FSHR: variants seen among roughly 807,000 people sequenced by gnomAD.
The protein encoded by FSHR is follicle-stimulating hormone receptor.
A neutral mutation model predicts 52.1 loss-of-function variants in FSHR; 46 were observed. That is an observed-to-expected ratio of 0.88 (90% CI 0.70 to 1.13). The LOEUF (loss-of-function observed/expected upper bound fraction) is 1.13. Among genes scored for constraint, FSHR ranks in the 50% most tolerant of loss-of-function variants. The pLI is 0.00. For synonymous variants in FSHR, 399 were observed against 309.6 expected, an observed-to-expected ratio of 1.29 and a Z score of -3.03; for missense variants, 964 against 834.6, an observed-to-expected ratio of 1.16 and a Z score of -1.91.
intron 6 of FSHR, among the ~76,000 whole-genome samples, chr2:48,988,554 A>G (rs1022297967): frequency 1.3e-5 from 2 of 152,362 alleles, no homozygotes; most frequent in African/African-American, 2.4e-5. Flanking sequence ...AAGTCATCCT[A>G]TGCTCAGCAT....
chr2:49,129,970 CAT>C (rs1255079492), intron 1 of FSHR, among the ~76,000 whole-genome samples: 1 of 152,068 alleles, frequency 6.6e-6, no homozygotes, highest in Non-Finnish European at 1.5e-5. Flanking sequence ...ATTTCCTTAA[CAT>C]GTTTTATTTT....
At chr2:48,988,477 G>C (rs1292474287) in intron 6 of FSHR, among the ~76,000 whole-genome samples, 1 of 152,180 alleles carries the variant, frequency 6.6e-6, no homozygotes, top group Non-Finnish European at 1.5e-5. Flanking sequence ...GCTTTTAAGA[G>C]ATTTCCCAAA....
chr2:48,993,108 T>C (rs940923686), intron 4 of FSHR, among the ~76,000 whole-genome samples: 1 of 152,158 alleles, frequency 6.6e-6, no homozygotes, highest in Non-Finnish European at 1.5e-5. Context: ...CTATTTGTGC[T>C]CTGGGCCTTT....
rs149170424 is a variant in FSHR at position 49,080,332 on chromosome 2, C to G, written c.153-12042G>C. On this transcript the variant is annotated intron_variant, in intron 1 of 9. Coordinates refer to ENST00000406846, the MANE Select transcript of FSHR (RefSeq NM_000145.4). Reference sequence around the variant, plus strand: ...TAGAAGATACAAAATGCCCTTGGACCCAGTTATTCCATGTCCTTCTCTCTG... The same window carrying G: ...TAGAAGATACAAAATGCCCTTGGACGCAGTTATTCCATGTCCTTCTCTCTG... Among the ~76,000 whole-genome samples the G allele has an allele frequency of 3.4e-3, 510 of 152,186 alleles. 3 individuals carry two copies. Among genetic ancestry groups the G allele is most frequent in the Non-Finnish European group, 4.4e-3 (297 of 67,998 alleles).
At chr2:49,119,725 A>C (rs1671740888) in intron 1 of FSHR, among the ~76,000 whole-genome samples, 1 of 152,152 alleles carries the variant, frequency 6.6e-6, no homozygotes, top group Admixed American at 6.5e-5. Flanking sequence ...TGCAATTTTC[A>C]ACATAAAACA....
At chr2:49,124,298 TTTTC>T (rs1671923722) in intron 1 of FSHR, among the ~76,000 whole-genome samples, 1 of 151,572 alleles carries the variant, frequency 6.6e-6, no homozygotes, top group Non-Finnish European at 1.5e-5. Flanking sequence ...CCCGGCCGAG[TTTTC>T]TTTAAGTGTA....
At chr2:49,048,849 A>G (rs1460861843) in intron 2 of FSHR, among the ~76,000 whole-genome samples, 1 of 152,164 alleles carries the variant, frequency 6.6e-6, no homozygotes, top group Non-Finnish European at 1.5e-5. Flanking sequence ...TATGAAGTGT[A>G]AGATTCAGGT....
chr2:49,004,709 T>C (rs1465820248), intron 4 of FSHR, among the ~76,000 whole-genome samples: 2 of 152,122 alleles, frequency 1.3e-5, no homozygotes, highest in South Asian at 2.1e-4. Context: ...ATGAGGATGA[T>C]ATAGCAATAA....
intron 8 of FSHR, among the ~76,000 whole-genome samples, chr2:48,973,495 G>C (rs925519559): frequency 1.3e-5 from 2 of 152,216 alleles, no homozygotes; most frequent in Non-Finnish European, 2.9e-5. Flanking sequence ...AGGCAATAGA[G>C]AACCAAAACA....
At chr2:49,092,696 T>C (rs1338605305) in intron 1 of FSHR, among the ~76,000 whole-genome samples, 1 of 152,238 alleles carries the variant, frequency 6.6e-6, no homozygotes, top group Non-Finnish European at 1.5e-5. Context: ...AGACGGAGTC[T>C]CCCTCTGTCA....
intron 8 of FSHR, among the ~76,000 whole-genome samples, chr2:48,979,442 ACC>A (rs35004985): frequency 6.6e-6 from 1 of 150,680 alleles, no homozygotes; most frequent in Admixed American, 6.6e-5. Context: ...CCACAAAAAC[ACC>A]CCCCCAAAAC....
intron 1 of FSHR, among the ~76,000 whole-genome samples, chr2:49,091,041 T>C (rs1289560645): frequency 1.3e-5 from 2 of 152,054 alleles, no homozygotes; most frequent in Non-Finnish European, 2.9e-5. Flanking sequence ...GGTTTACAAA[T>C]ATTATCTCCC....
At chr2:49,034,515 C>G (rs1668214912) in intron 2 of FSHR, among the ~76,000 whole-genome samples, 1 of 152,130 alleles carries the variant, frequency 6.6e-6, no homozygotes, top group African/African-American at 2.4e-5. Flanking sequence ...GGAAAAGACC[C>G]TTTAGTTCTC....
At chr2:49,051,725 A>C (rs1668864532) in intron 2 of FSHR, among the ~76,000 whole-genome samples, 1 of 152,086 alleles carries the variant, frequency 6.6e-6, no homozygotes, top group Non-Finnish European at 1.5e-5. Flanking sequence ...AGTCCAAAAT[A>C]ACACTTTTAT....
At chr2:49,064,010 AAAAG>A (rs1040271869) in intron 2 of FSHR, among the ~76,000 whole-genome samples, 1 of 151,868 alleles carries the variant, frequency 6.6e-6, no homozygotes, top group Non-Finnish European at 1.5e-5. Flanking sequence ...AAAATAATAA[AAAAG>A]AAAAAACTGT....
At chr2:48,988,009 T>C (rs570112809) in intron 6 of FSHR, among the ~76,000 whole-genome samples, 9 of 152,350 alleles carry the variant, frequency 5.9e-5, no homozygotes, top group Non-Finnish European at 2.9e-5. Flanking sequence ...TCAATTTCTA[T>C]GCTAATCTGT....
chr2:49,033,898 C>G (rs1163038590), intron 2 of FSHR, among the ~76,000 whole-genome samples: 1 of 152,124 alleles, frequency 6.6e-6, no homozygotes, highest in Non-Finnish European at 1.5e-5. Flanking sequence ...CTTTCTGGAG[C>G]CCCTTATATC....
chr2:49,116,763 G>A (rs908025774), intron 1 of FSHR, among the ~76,000 whole-genome samples: 2 of 152,084 alleles, frequency 1.3e-5, no homozygotes, highest in South Asian at 2.1e-4. Flanking sequence ...ATGATAGTTT[G>A]ATGCACATGT....
chr2:49,090,210 C>T (rs972299962), intron 1 of FSHR, among the ~76,000 whole-genome samples: 1 of 151,878 alleles, frequency 6.6e-6, no homozygotes, highest in Non-Finnish European at 1.5e-5. Context: ...CATGTAACCA[C>T]CACAATCGGG....
Sources: gnomAD v4.1 joint callset for allele counts (sites outside exome capture counted in the v4.1 genomes callset) on GRCh38, gnomAD v4.1.1 for gene constraint, MANE v1.5 for transcripts, NCBI Gene and HGNC (gene_info 2026-07-23, HGNC 2026-07-21) for gene names.